The following PSME4 variants were observed in gnomAD, a reference collection of about 807,000 sequenced individuals.
PSME4 encodes proteasome activator complex subunit 4.
PSME4 carries 89 observed loss-of-function variants against 253.9 expected under a neutral mutation model. The observed-to-expected ratio is 0.35, with a 90% CI of 0.30 to 0.42. The LOEUF is 0.42. PSME4 is among the 10% of genes least tolerant of loss of function. The probability of loss-of-function intolerance (pLI) is 1.00; values close to 1 mark genes in which losing one functional copy is unlikely to be tolerated. For missense variants in PSME4, 2,014 were observed against 2,195.2 expected (o/e 0.92, Z 1.65); for synonymous variants, 851 against 759.2 (o/e 1.12, Z -1.99).
chr2:53,957,352 T>G (rs1670283100), intron 1 of PSME4, among the ~76,000 whole-genome samples: 1 of 152,240 alleles, frequency 6.6e-6, no homozygotes, highest in Non-Finnish European at 1.5e-5. Context: ...TAACTCATCA[T>G]AATGTAGAAT....
chr2:53,896,082 G>C (rs1462618777), intron 32 of PSME4, among the ~76,000 whole-genome samples: 1 of 151,936 alleles, frequency 6.6e-6, no homozygotes, highest in Admixed American at 6.5e-5. Flanking sequence ...ATCTTTTACT[G>C]AGACACCCAA....
chr2:53,936,024 G>A lies in PSME4; in HGVS notation c.834+63C>T, dbSNP rs1669092005. 7.1e-6 allele frequency: 11 copies of A among 1,555,800 alleles called. No homozygotes were observed. The South Asian group carries it at 7.2e-5, about 10-fold the overall frequency. On this transcript the variant is annotated intron_variant, in intron 7 of 46. Transcript: ENST00000404125. ...TTCTCCTGCCTCAGCCACCCGAGCA[G>A]CTGGGATTACAGGCGCCTACCACCC...
Position 53,898,633 on chromosome 2 carries a change from GCACACACACACACACA to G in PSME4, c.3423-295_3423-280del, listed in dbSNP as rs199900623. Among the ~76,000 whole-genome samples the G allele has an allele frequency of 2.4e-4, 34 of 142,504 alleles. 1 individual carries two copies. Among genetic ancestry groups the G allele is most frequent in the African/African-American group, 7.4e-4 (29 of 38,934 alleles). The allele number at this position is 142,504 out of a possible 152,430, so 93.5% of individuals were successfully genotyped here. On this transcript the variant is annotated intron_variant, in intron 29 of 46. Coordinates refer to ENST00000404125, the MANE Select transcript of PSME4 (RefSeq NM_014614.3). ...AGTAGTAATCAATTAATTGGGAGTGGCACACACACACACACACACACACACACACACACACACACGA... is the reference window on the plus strand; with the variant it reads ...AGTAGTAATCAATTAATTGGGAGTGGCACACACACACACACACACACACGA...
chr2:53,957,972 G>C (rs527354984), intron 1 of PSME4, among the ~76,000 whole-genome samples: 1 of 152,164 alleles, frequency 6.6e-6, no homozygotes, highest in South Asian at 2.1e-4. Context: ...GCTCACTTGA[G>C]GTCAGGAGTT....
chr2:53,881,662 G>A (rs996096297), intron 41 of PSME4, among the ~76,000 whole-genome samples: 1 of 150,824 alleles, frequency 6.6e-6, no homozygotes, highest in Non-Finnish European at 1.5e-5. Flanking sequence ...CTGGCTTACT[G>A]CAGCCTCCGC....
intron 38 of PSME4, chr2:53,888,469 T>C (rs766261524): frequency 2.2e-5 from 8 of 370,912 alleles, no homozygotes; most frequent in Non-Finnish European, 3.9e-5. Context: ...TGATAAAATA[T>C]TTGACAGCAA....
At chr2:53,956,455 G>A (rs552380248) in intron 1 of PSME4, among the ~76,000 whole-genome samples, 8 of 151,686 alleles carry the variant, frequency 5.3e-5, no homozygotes, top group East Asian at 3.9e-4. Context: ...GCTTGAACCC[G>A]GGAGGCGGAG....
chr2:53,865,944 C>A (rs1678543895), intron 46 of PSME4, 141 bp downstream of exon 46: 8 of 900,816 alleles, frequency 8.9e-6, no homozygotes, highest in Non-Finnish European at 1.1e-5. Flanking sequence ...TAGCAAAAGC[C>A]ATGTTTAAAA....
chr2:53,942,302 AT>A (rs1300334404), intron 3 of PSME4: 2 of 152,594 alleles, frequency 1.3e-5, no homozygotes, highest in African/African-American at 2.4e-5. Context: ...GGAGTGAATA[AT>A]CACTAAATAC....
chr2:53,889,187 C>A (rs1679778122), intron 37 of PSME4, among the ~76,000 whole-genome samples: 1 of 152,098 alleles, frequency 6.6e-6, no homozygotes, highest in Non-Finnish European at 1.5e-5. Flanking sequence ...TTTAGAAATA[C>A]TGAAAACATA....
At chr2:53,882,200 A>G (rs1261472916) in intron 41 of PSME4, among the ~76,000 whole-genome samples, 1 of 152,166 alleles carries the variant, frequency 6.6e-6, no homozygotes, top group Non-Finnish European at 1.5e-5. Context: ...GATTTATTCT[A>G]TAAAAAATAT....
At chr2:53,888,248 T>A in intron 38 of PSME4, 1 of 300,564 alleles carries the variant, frequency 3.3e-6, no homozygotes, top group Non-Finnish European at 6.0e-6. Context: ...TGACTAATAT[T>A]TAAACATCAC....
In PSME4 at chr2:53,904,126, C is replaced by T. The variant is rs932408200; in HGVS notation, c.2974G>A (p.Ala992Thr). 2 of 1,611,408 alleles carry T rather than the reference C, an allele frequency of 1.2e-6. No homozygotes were observed. The highest frequency in any genetic ancestry group is 1.7e-6 in the Non-Finnish European group (2 of 1,178,792). ...CAGAAGTTATATGCTCCCAAGGCAG[C>T]AAAAAATGTTTGCTGAGCCTTATTT... Reference protein sequence around the residue: ...VRNKAQQTFFAALGAYNFCCR... With the variant: ...VRNKAQQTFFTALGAYNFCCR... Residue 992 changes from alanine (A) to threonine (T), a missense_variant, in exon 27 of 47, where the codon GCT (alanine) becomes ACT (threonine). Transcript: ENST00000404125.
intron 1 of PSME4, among the ~76,000 whole-genome samples, chr2:53,960,175 G>A (rs1670418134): frequency 6.6e-6 from 1 of 152,080 alleles, no homozygotes; most frequent in South Asian, 2.1e-4. Context: ...TGAGGCAGGT[G>A]GATCACTTGA....
chr2:53,950,398 T>C (rs11890472), intron 1 of PSME4, among the ~76,000 whole-genome samples: 20,338 of 152,208 alleles, frequency 0.13, 2,420 homozygotes, highest in African/African-American at 0.32. Context: ...TTACATAACT[T>C]GTACTATTTG....
At chr2:53,937,604 A>G in intron 4 of PSME4, 64 bp from the exon 5 acceptor site, 1 of 1,486,280 alleles carries the variant, frequency 6.7e-7, no homozygotes, top group South Asian at 1.2e-5. Flanking sequence ...ACAGCAATAT[A>G]TATAACTGAC....
intron 18 of PSME4, 110 bp from the exon 19 acceptor site, chr2:53,920,460 C>T (rs1379340409): frequency 6.2e-6 from 7 of 1,120,604 alleles, no homozygotes; most frequent in Non-Finnish European, 8.7e-6. Flanking sequence ...TACACATAAT[C>T]CAAACCTAAG....
At chr2:53,897,008 C>T in intron 31 of PSME4, 123 bp from the exon 32 acceptor site, 1 of 714,576 alleles carries the variant, frequency 1.4e-6, no homozygotes, top group Non-Finnish European at 2.5e-6. Context: ...CTATCGACAT[C>T]TGGCAGTACA....
intron 44 of PSME4, among the ~76,000 whole-genome samples, chr2:53,867,375 T>C (rs538870545): frequency 1.3e-5 from 2 of 151,932 alleles, no homozygotes; most frequent in Non-Finnish European, 2.9e-5. Context: ...TGTGATGGCA[T>C]GTGAAGTCAC....
Sources: gnomAD v4.1 joint callset for allele counts (sites outside exome capture counted in the v4.1 genomes callset) on GRCh38, gnomAD v4.1.1 for gene constraint, MANE v1.5 for transcripts, NCBI Gene and HGNC (gene_info 2026-07-23, HGNC 2026-07-21) for gene names.